Variants in C13orf46 observed in about 807,000 individuals in gnomAD.
The protein encoded by C13orf46 is chromosome 13 open reading frame 46, also known as uncharacterized protein C13orf46.
chr13:113,971,915 C>A (rs941228341), intron 1 of C13orf46, among the ~76,000 whole-genome samples: 1 of 152,216 alleles, frequency 6.6e-6, no homozygotes, highest in Non-Finnish European at 1.5e-5. Context: ...AGCCACAAAG[C>A]TCCAGGGAGG....
At chr13:113,939,816 C>T in the C13orf46 span, among the ~76,000 whole-genome samples, 1 of 152,204 alleles carries the variant, frequency 6.6e-6, no homozygotes, top group Non-Finnish European at 1.5e-5. Context: ...GATGACAATA[C>T]TTCTCAGGAG....
the C13orf46 span, among the ~76,000 whole-genome samples, chr13:113,943,521 A>G: frequency 1.7e-4 from 26 of 152,224 alleles, no homozygotes; most frequent in Non-Finnish European, 3.1e-4. Flanking sequence ...GGAGGCCTTC[A>G]GGTAGCAGCT....
chr13:113,973,169 C>T (rs2052726806), intron 1 of C13orf46, among the ~76,000 whole-genome samples: 1 of 152,230 alleles, frequency 6.6e-6, no homozygotes, highest in African/African-American at 2.4e-5. Context: ...ACAAGAGCTG[C>T]AGAGATAAAC....
chr13:113,930,164 G>C, the C13orf46 span, among the ~76,000 whole-genome samples: 1 of 152,258 alleles, frequency 6.6e-6, no homozygotes, highest in Non-Finnish European at 1.5e-5. Flanking sequence ...AACCTCCCAG[G>C]AATGTGACTG....
downstream of C13orf46, among the ~76,000 whole-genome samples, chr13:113,950,371 G>A (rs1594239344): frequency 8.4e-6 from 1 of 119,094 alleles, no homozygotes; most frequent in Non-Finnish European, 1.8e-5. Context: ...CAGAGACCTC[G>A]GTGCTCCCAT....
the C13orf46 span, among the ~76,000 whole-genome samples, chr13:113,942,321 C>G: frequency 6.6e-6 from 1 of 152,220 alleles, no homozygotes; most frequent in African/African-American, 2.4e-5. Flanking sequence ...AATGGGGAAA[C>G]AGAAAATCAC....
At chr13:113,933,908 T>G in the C13orf46 span, among the ~76,000 whole-genome samples, 1 of 152,176 alleles carries the variant, frequency 6.6e-6, no homozygotes, top group African/African-American at 2.4e-5. Context: ...GGAGCTCATT[T>G]GGACATCCTA....
downstream of C13orf46, among the ~76,000 whole-genome samples, chr13:113,953,275 C>T (rs1349524914): frequency 2.0e-5 from 3 of 152,106 alleles, no homozygotes; most frequent in Admixed American, 6.5e-5. Flanking sequence ...GCCTGCGCCA[C>T]GGAAATCTCC....
intron 1 of C13orf46, among the ~76,000 whole-genome samples, chr13:113,970,580 G>C (rs1421813471): frequency 6.6e-6 from 1 of 152,136 alleles, no homozygotes; most frequent in Non-Finnish European, 1.5e-5. Flanking sequence ...CAGCTGGCTG[G>C]AGGTAGCTGA....
the C13orf46 span, among the ~76,000 whole-genome samples, chr13:113,947,913 C>T: frequency 0.17 from 25,379 of 152,200 alleles, 2,381 homozygotes; most frequent in African/African-American, 0.19. Flanking sequence ...AGTGCTTTCC[C>T]GACCCCTCCT....
At chr13:113,940,301 C>A in the C13orf46 span, among the ~76,000 whole-genome samples, 19 of 152,378 alleles carry the variant, frequency 1.2e-4, no homozygotes, top group South Asian at 1.4e-3. Context: ...AAGCCCCCCA[C>A]CCCCAGATGA....
At chr13:113,943,537 G>A in the C13orf46 span, among the ~76,000 whole-genome samples, 1 of 152,188 alleles carries the variant, frequency 6.6e-6, no homozygotes, top group Non-Finnish European at 1.5e-5. Flanking sequence ...CAGCTTCAGA[G>A]GGCTGTGAAA....
At chr13:113,927,724 C>G in the C13orf46 span, 1 of 397,856 alleles carries the variant, frequency 2.5e-6, no homozygotes, top group Non-Finnish European at 4.4e-6. Flanking sequence ...GCGTTTCCAG[C>G]TCCTGAGGCC....
intron 1 of C13orf46, among the ~76,000 whole-genome samples, chr13:113,972,479 G>A (rs1040788241): frequency 6.6e-6 from 1 of 152,164 alleles, no homozygotes; most frequent in African/African-American, 2.4e-5. Flanking sequence ...AAGGGGAGGC[G>A]GAGCTGCCGA....
chr13:113,930,379 C>T, the C13orf46 span, among the ~76,000 whole-genome samples: 20 of 96,868 alleles, frequency 2.1e-4, no homozygotes, highest in African/African-American at 5.5e-4. Context: ...AGCACCGAGG[C>T]GGGGGCGCAG....
chr13:113,937,423 T>C, the C13orf46 span, among the ~76,000 whole-genome samples: 1 of 152,182 alleles, frequency 6.6e-6, no homozygotes, highest in Admixed American at 6.5e-5. Flanking sequence ...ATGGTAACAA[T>C]CATTAGCACT....
At chr13:113,966,268 CAGTGATGGTGGTGATGATGGTCATGAT>C (rs1451805485) in intron 5 of C13orf46, among the ~76,000 whole-genome samples, 1 of 104,608 alleles carries the variant, frequency 9.6e-6, no homozygotes, top group Admixed American at 9.4e-5. Flanking sequence ...ATGATGGTGA[CAGTGATGGTGGTGATGATGGTCATGAT>C]AGTGATGGTG....
the C13orf46 span, among the ~76,000 whole-genome samples, chr13:113,945,213 G>T: frequency 6.6e-6 from 1 of 152,268 alleles, no homozygotes; most frequent in East Asian, 1.9e-4. Flanking sequence ...ATCTTCCCGG[G>T]AACAGCAGGC....
downstream of C13orf46, among the ~76,000 whole-genome samples, chr13:113,948,728 G>A (rs2052478828): frequency 1.3e-5 from 2 of 152,210 alleles, no homozygotes; most frequent in Admixed American, 6.5e-5. Context: ...ATCTCAGTGT[G>A]CATGAGCTTA....
Sources: gnomAD v4.1 joint callset for allele counts (sites outside exome capture counted in the v4.1 genomes callset) on GRCh38, gnomAD v4.1.1 for gene constraint, MANE v1.5 for transcripts, NCBI Gene and HGNC (gene_info 2026-07-23, HGNC 2026-07-21) for gene names.